CCND3: variants seen among roughly 807,000 people sequenced by gnomAD.
CCND3 encodes cyclin D3.
In CCND3, 9 loss-of-function variants were observed where a neutral mutation model predicts 28.7. The observed-to-expected ratio is 0.31, with a 90% CI of 0.19 to 0.55. The LOEUF is 0.55. Ranked by LOEUF, CCND3 falls within the 20% of genes least tolerant of loss-of-function variation. The pLI, the probability that CCND3 is intolerant of heterozygous loss-of-function variation, is 0.93. For missense variants in CCND3, 315 were observed against 385.8 expected (o/e 0.82, Z 1.54); for synonymous variants, 164 against 163.9 (o/e 1.00, Z 0.00).
chr6:41,940,117 G>C (rs1410492), intron 2 of CCND3, among the ~76,000 whole-genome samples: 28,008 of 152,140 alleles, frequency 0.18, 3,228 homozygotes, highest in East Asian at 0.27. Flanking sequence ...GAAAGACCAG[G>C]AAGGAGTGGC....
At chr6:42,028,345 G>A (rs1411131344) in intron 1 of CCND3, among the ~76,000 whole-genome samples, 1 of 152,180 alleles carries the variant, frequency 6.6e-6, no homozygotes, top group Non-Finnish European at 1.5e-5. Flanking sequence ...AGAGAGGAGT[G>A]GGTTCGGCGA....
rs149201034 is a variant in CCND3 at position 41,985,457 on chromosome 6, G to A, written c.-45-44872C>T. Reference sequence around the variant, plus strand: ...GCCTTCCGAGCAGCTGGAATTACAGGTGTCCACCACCACACCTGGCTAATT... The same window carrying A: ...GCCTTCCGAGCAGCTGGAATTACAGATGTCCACCACCACACCTGGCTAATT... On this transcript the variant is annotated intron_variant, in intron 1 of 4. Transcript: ENST00000372988. 2.6e-4 allele frequency among the ~76,000 whole-genome samples: 39 copies of A among 152,002 alleles called. No homozygotes were observed. The East Asian group carries it at 7.3e-3, about 29-fold the overall frequency.
chr6:42,042,204 C>A (rs1764387144), intron 1 of CCND3, among the ~76,000 whole-genome samples: 1 of 152,140 alleles, frequency 6.6e-6, no homozygotes, highest in Non-Finnish European at 1.5e-5. Context: ...TAGATGGCCC[C>A]ATATCCACCC....
intron 1 of CCND3, among the ~76,000 whole-genome samples, chr6:42,042,968 C>A (rs1242224535): frequency 6.6e-6 from 1 of 152,200 alleles, no homozygotes; most frequent in Non-Finnish European, 1.5e-5. Context: ...AGAGATGGCA[C>A]AGATTAGTGG....
chr6:42,035,355 A>G (rs1274342314), intron 1 of CCND3, among the ~76,000 whole-genome samples: 1 of 151,930 alleles, frequency 6.6e-6, no homozygotes, highest in Non-Finnish European at 1.5e-5. Context: ...GCGTCACCCT[A>G]GTTTCTTTTC....
chr6:42,049,327 G>A (rs1764656255), upstream of CCND3, among the ~76,000 whole-genome samples: 1 of 152,158 alleles, frequency 6.6e-6, no homozygotes, highest in Non-Finnish European at 1.5e-5. Flanking sequence ...GAGAGCCACC[G>A]CGCCCGGCCG....
In CCND3 at chr6:41,939,713, G is replaced by A. The variant is rs577461402; in HGVS notation, c.414+657C>T. 3.3e-5 allele frequency among the ~76,000 whole-genome samples: 5 copies of A among 152,286 alleles called. No homozygotes were observed. In the South Asian group the frequency reaches 8.3e-4, roughly 25 times the overall value. ...CCCTCAGCTTGGGCCTTGGGCTAAG[G>A]GGGGAAGAGGGAGCTGTTTCCACCA... On this transcript the variant is annotated intron_variant, in intron 2 of 4. Coordinates refer to ENST00000372991, the MANE Select transcript of CCND3 (RefSeq NM_001760.5). The surrounding 1 kb of genome is among the most constrained non-coding windows in gnomAD (Gnocchi z 4.2).
Position 42,006,583 on chromosome 6 carries a change from C to T in CCND3, c.-46+41918G>A, listed in dbSNP as rs115981033. On this transcript the variant is annotated intron_variant, in intron 1 of 4. Transcript: ENST00000372988. ...TATTAATAGATGATATGACTATCTACGTGGAATCTCTTCAAGTCCACAAAT... is the reference window on the plus strand; with the variant it reads ...TATTAATAGATGATATGACTATCTATGTGGAATCTCTTCAAGTCCACAAAT... 3.8e-3 allele frequency among the ~76,000 whole-genome samples: 574 copies of T among 152,222 alleles called. 6 individuals carry two copies. The highest frequency in any genetic ancestry group is 0.013 in the African/African-American group (533 of 41,540).
chr6:42,012,350 G>A (rs1170426926), intron 1 of CCND3, among the ~76,000 whole-genome samples: 3 of 152,048 alleles, frequency 2.0e-5, no homozygotes, highest in Admixed American at 2.0e-4. Context: ...TGGGGGCGGG[G>A]AGTGGAGGTT....
chr6:42,039,279 C>T (rs1444747726), intron 1 of CCND3, among the ~76,000 whole-genome samples: 1 of 152,216 alleles, frequency 6.6e-6, no homozygotes. Flanking sequence ...GAACCCAACA[C>T]TGTGTCAAAT....
At chr6:42,021,269 G>A (rs1397214949) in intron 1 of CCND3, among the ~76,000 whole-genome samples, 2 of 152,214 alleles carry the variant, frequency 1.3e-5, no homozygotes, top group African/African-American at 4.8e-5. Flanking sequence ...AATATACAGA[G>A]AGTCTGGTAC....
At chr6:42,008,078 TA>T (rs1763229121) in intron 1 of CCND3, among the ~76,000 whole-genome samples, 1 of 151,970 alleles carries the variant, frequency 6.6e-6, no homozygotes, top group Non-Finnish European at 1.5e-5. Flanking sequence ...TTTTTTAATA[TA>T]AAAAATAGTA....
chr6:41,956,907 T>A (rs1776452729), intron 1 of CCND3, among the ~76,000 whole-genome samples: 1 of 151,942 alleles, frequency 6.6e-6, no homozygotes, highest in Admixed American at 6.6e-5. Flanking sequence ...GGCAGGCGCC[T>A]GTATTCCCAG....
chr6:42,043,067 A>G (rs1016631484), intron 1 of CCND3, among the ~76,000 whole-genome samples: 5 of 152,070 alleles, frequency 3.3e-5, no homozygotes, highest in African/African-American at 1.2e-4. Flanking sequence ...AAGCTGCTAG[A>G]CCTCTCAGTA....
At chr6:41,952,508 G>A (rs1486359090) in intron 1 of CCND3, among the ~76,000 whole-genome samples, 3 of 152,214 alleles carry the variant, frequency 2.0e-5, no homozygotes, top group African/African-American at 7.2e-5. Context: ...AACAGCCATT[G>A]TATGAGGGCT....
In CCND3 at chr6:41,961,626, G is replaced by A. The variant is rs1199439013; in HGVS notation, c.-45-21041C>T. Among the ~76,000 whole-genome samples, 6 of 151,892 alleles carry A rather than the reference G, an allele frequency of 4.0e-5. No homozygotes were observed. The South Asian group carries it at 6.2e-4, about 16-fold the overall frequency. ...CAGTCCTCGCTTACGTTAGCCTTCC[G>A]AACTGCTCCTCCACAGCTCCTTCAT... is the stretch of plus-strand genomic sequence containing the variant. On this transcript the variant is annotated intron_variant, in intron 1 of 4. Coordinates refer to the CCND3 transcript ENST00000372988.
At chr6:42,008,381 A>AAAAAAG (rs1763240736) in intron 1 of CCND3, among the ~76,000 whole-genome samples, 1 of 152,326 alleles carries the variant, frequency 6.6e-6, no homozygotes, top group East Asian at 1.9e-4. Context: ...TCTGTCTCAA[A>AAAAAAG]AAAAAGAAAA....
chr6:41,969,288 C>T (rs1761970295), intron 1 of CCND3, among the ~76,000 whole-genome samples: 1 of 151,754 alleles, frequency 6.6e-6, no homozygotes. Flanking sequence ...CCCAGGCGGG[C>T]GGATCACGAG....
At chr6:42,031,937 G>C (rs1403939581) in intron 1 of CCND3, among the ~76,000 whole-genome samples, 1 of 150,444 alleles carries the variant, frequency 6.6e-6, no homozygotes, top group South Asian at 2.1e-4. Context: ...TTACAGGCAC[G>C]CATCATCACA....
Sources: allele counts gnomAD v4.1 joint callset (sites outside exome capture counted in the v4.1 genomes callset), GRCh38; gene constraint gnomAD v4.1.1; non-coding constraint Gnocchi (gnomAD v3.1); transcripts MANE v1.5; gene names NCBI Gene and HGNC (gene_info 2026-07-23, HGNC 2026-07-21).